Variants in TRIM24 observed in about 807,000 individuals in gnomAD.
TRIM24 encodes the protein tripartite motif containing 24, also known as transcription intermediary factor 1-alpha.
In TRIM24, 29 loss-of-function variants were observed where a neutral mutation model predicts 123.9. That is an observed-to-expected ratio of 0.23 (90% confidence interval 0.17 to 0.32). TRIM24 has a LOEUF of 0.32. TRIM24 is among the 10% of genes least tolerant of loss of function. The pLI is 1.00. For synonymous variants in TRIM24, 456 were observed against 461.1 expected, an observed-to-expected ratio of 0.99 and a Z score of 0.14; for missense variants, 932 against 1,295.3, an observed-to-expected ratio of 0.72 and a Z score of 4.31.
Position 138,460,715 on chromosome 7 carries a change from G to T in TRIM24, c.167G>T (p.Cys56Phe). ...EAARLNLLDT[C>F]AVCHQNIQSR... The stretch of plus-strand genomic sequence containing the variant: ...GCCCGGCTCAACCTGTTGGACACTT[G>T]CGCCGTGTGCCACCAGAACATCCAG... Residue 56 changes from cysteine (C) to phenylalanine (F), a missense_variant, in exon 1 of 19, where the codon TGC (cysteine) becomes TTC (phenylalanine). Cys to Phe is a radical substitution (Grantham distance 205, BLOSUM62 -2). This residue lies in a region of TRIM24 where 164 missense variants were observed against 181.9 expected (regional missense o/e 0.90). Transcript: ENST00000343526. The T allele has an allele frequency of 6.4e-7, 1 of 1,570,346 alleles. No homozygotes were observed. The highest frequency in any genetic ancestry group is 8.6e-7 in the Non-Finnish European group (1 of 1,162,030).
chr7:138,563,974 G>C (rs6467783), intron 9 of TRIM24, among the ~76,000 whole-genome samples: 116,365 of 152,082 alleles, frequency 0.77, 44,731 homozygotes, highest in Non-Finnish European at 0.78. Flanking sequence ...TGGCTTCTAG[G>C]CAGCAGAGAG....
chr7:138,461,027 G>A, intron 1 of TRIM24, 115 bp downstream of exon 1: 1 of 1,027,572 alleles, frequency 9.7e-7, no homozygotes, highest in Non-Finnish European at 1.3e-6. Context: ...CGCGGCGGGG[G>A]AGGGGCGAGC....
chr7:138,499,259 T>C (rs1206839300), intron 1 of TRIM24, among the ~76,000 whole-genome samples: 2 of 152,208 alleles, frequency 1.3e-5, no homozygotes, highest in Non-Finnish European at 2.9e-5. Context: ...GAGAGTATTA[T>C]TAAGTCCTCC....
intron 16 of TRIM24, 50 bp downstream of exon 16, chr7:138,580,744 G>C: frequency 6.5e-7 from 1 of 1,529,392 alleles, no homozygotes; most frequent in South Asian, 1.3e-5. Flanking sequence ...ATATTGTACT[G>C]TGGTACCTTT....
intron 10 of TRIM24, 134 bp from the exon 11 acceptor site, chr7:138,570,696 C>A: frequency 3.3e-6 from 2 of 612,220 alleles, no homozygotes; most frequent in Admixed American, 3.5e-5. Flanking sequence ...CTTGTGCAGT[C>A]TTTTGCTGTC....
chr7:138,490,736 G>T, intron 1 of TRIM24: 1 of 485,194 alleles, frequency 2.1e-6, no homozygotes, highest in Non-Finnish European at 4.0e-6. Flanking sequence ...CTTTTCTACT[G>T]AAAACATCAT....
At chr7:138,507,773 A>G (rs991816737) in intron 2 of TRIM24, among the ~76,000 whole-genome samples, 3 of 152,118 alleles carry the variant, frequency 2.0e-5, no homozygotes, top group African/African-American at 7.2e-5. Context: ...TGAACAAGAA[A>G]GAAAAGCAAG....
At chr7:138,547,695 A>G (rs1316935627) in intron 7 of TRIM24, among the ~76,000 whole-genome samples, 1 of 152,184 alleles carries the variant, frequency 6.6e-6, no homozygotes, top group East Asian at 1.9e-4. Flanking sequence ...ATGTTTTTAG[A>G]GACGGAGCTT....
chr7:138,529,145 A>G lies in TRIM24; in HGVS notation c.911A>G (p.Gln304Arg). 6.4e-7 allele frequency: 1 copy of G among 1,563,802 alleles called. No homozygotes were observed. Among genetic ancestry groups the G allele is most frequent in the Non-Finnish European group, 8.6e-7 (1 of 1,160,892 alleles). Residue 304 changes from glutamine to arginine, a missense_variant, in exon 6 of 19, where the codon CAG (glutamine) becomes CGG (arginine). Transcript: ENST00000343526. ...RIIEVNQNQK[Q>R]VEQDIKVAIF... ...ATTGAAGTAAATCAAAATCAAAAGCAGGTGGAACAGGATATTAAAGTTGCT... is the reference window on the plus strand; with the variant it reads ...ATTGAAGTAAATCAAAATCAAAAGCGGGTGGAACAGGATATTAAAGTTGCT...
intron 7 of TRIM24, 51 bp from the exon 8 acceptor site, chr7:138,551,012 G>T: frequency 6.9e-7 from 1 of 1,445,990 alleles, no homozygotes. Flanking sequence ...TTTACTGGGC[G>T]CTTAATAAAT....
At chr7:138,515,827 C>T (rs1796382535) in intron 3 of TRIM24, among the ~76,000 whole-genome samples, 1 of 152,074 alleles carries the variant, frequency 6.6e-6, no homozygotes, top group African/African-American at 2.4e-5. Context: ...TTTTAATGTA[C>T]AGTTCACTCA....
chr7:138,552,123 A>G (rs1483702442), intron 8 of TRIM24, among the ~76,000 whole-genome samples: 1 of 152,162 alleles, frequency 6.6e-6, no homozygotes, highest in Admixed American at 6.6e-5. Context: ...AATTCAGTAC[A>G]ATTGCATGCT....
At chr7:138,564,291 C>T (rs976259173) in intron 9 of TRIM24, among the ~76,000 whole-genome samples, 4 of 152,140 alleles carry the variant, frequency 2.6e-5, no homozygotes, top group Non-Finnish European at 5.9e-5. Flanking sequence ...AGGCAGCCCA[C>T]TTGATCATCT....
intron 7 of TRIM24, among the ~76,000 whole-genome samples, chr7:138,542,839 G>T (rs1423100909): frequency 6.6e-6 from 1 of 152,130 alleles, no homozygotes; most frequent in East Asian, 1.9e-4. Context: ...TCTTAATCAT[G>T]AATTGTATTT....
intron 4 of TRIM24, among the ~76,000 whole-genome samples, chr7:138,520,164 T>C (rs1443403701): frequency 6.6e-6 from 1 of 152,234 alleles, no homozygotes; most frequent in African/African-American, 2.4e-5. Context: ...AGGAGTAATT[T>C]TGATAGGCTC....
At chr7:138,529,583 C>T (rs532820166) in intron 6 of TRIM24, among the ~76,000 whole-genome samples, 2 of 152,238 alleles carry the variant, frequency 1.3e-5, no homozygotes, top group Non-Finnish European at 2.9e-5. Context: ...TAGAAAGATA[C>T]ACTGTTCGAT....
chr7:138,538,231 C>G (rs759369447), intron 6 of TRIM24, among the ~76,000 whole-genome samples: 2 of 152,156 alleles, frequency 1.3e-5, no homozygotes, highest in Non-Finnish European at 2.9e-5. Flanking sequence ...ACTTGCAATT[C>G]CAACTGTTAA....
intron 1 of TRIM24, among the ~76,000 whole-genome samples, chr7:138,462,882 T>G (rs1357221602): frequency 1.3e-5 from 2 of 151,514 alleles, no homozygotes; most frequent in Non-Finnish European, 1.5e-5. Flanking sequence ...ATTTATTTTT[T>G]TTTTGAGACG....
chr7:138,581,602 T>C, intron 16 of TRIM24, 95 bp from the exon 17 acceptor site: 1 of 1,061,152 alleles, frequency 9.4e-7, no homozygotes, highest in Non-Finnish European at 1.3e-6. Flanking sequence ...ATTTTTAGTC[T>C]GACACTTTGG....
Sources: allele counts gnomAD v4.1 joint callset (sites outside exome capture counted in the v4.1 genomes callset), GRCh38; gene constraint gnomAD v4.1.1; regional missense constraint gnomAD v4.1.1; transcripts MANE v1.5; gene names NCBI Gene and HGNC (gene_info 2026-07-23, HGNC 2026-07-21).